Variants in CFAP300 observed in about 807,000 individuals in gnomAD.
The protein encoded by CFAP300 is cilia- and flagella-associated protein 300.
Under a neutral mutation model 33.0 loss-of-function variants are expected in CFAP300, and 32 were observed. The observed-to-expected ratio is 0.97, with a 90% CI of 0.73 to 1.30. CFAP300 has a LOEUF of 1.30. Ranked by LOEUF, CFAP300 falls within the 50% of genes most tolerant of loss-of-function variation. CFAP300 has a pLI of 0.00. For missense variants in CFAP300, 356 were observed against 318.1 expected (o/e 1.12, Z -0.90); for synonymous variants, 102 against 106.8 (o/e 0.95, Z 0.28).
intron 6 of CFAP300, 33 bp downstream of exon 6, chr11:102,081,314 T>C: frequency 2.6e-6 from 4 of 1,546,236 alleles, no homozygotes; most frequent in Non-Finnish European, 3.6e-6. Context: ...AACCAAAGAA[T>C]TTAATTACTT....
At position 102,079,159 on chromosome 11, in the gene CFAP300, G is replaced by A. The variant is rs371886920; in HGVS notation, c.609-2056G>A. On this transcript the variant is annotated intron_variant, in intron 5 of 6. Coordinates refer to ENST00000434758, the MANE Select transcript of CFAP300 (RefSeq NM_032930.3). ...GGAAATAATTTATGTATAGTAAAAT[G>A]AATAAATCATAAATATACATACAAT... Among the ~76,000 whole-genome samples the A allele has an allele frequency of 7.9e-5, 12 of 152,076 alleles. 1 individual carries two copies. Among genetic ancestry groups the A allele is most frequent in the African/African-American group, 2.7e-4 (11 of 41,398 alleles).
intron 4 of CFAP300, 140 bp from the exon 5 acceptor site, chr11:102,075,733 C>A: frequency 1.8e-6 from 1 of 561,092 alleles, no homozygotes; most frequent in Non-Finnish European, 3.1e-6. Flanking sequence ...ATGCAGATTA[C>A]AGGTTACTCT....
At chr11:102,051,106 G>A (rs1565387086) in intron 2 of CFAP300, among the ~76,000 whole-genome samples, 1 of 152,272 alleles carries the variant, frequency 6.6e-6, no homozygotes, top group Non-Finnish European at 1.5e-5. Context: ...CAAGTTTCTG[G>A]CTTGGTTGAC....
intron 4 of CFAP300, among the ~76,000 whole-genome samples, chr11:102,073,147 G>T (rs1052907258): frequency 2.0e-5 from 3 of 152,184 alleles, no homozygotes; most frequent in African/African-American, 7.2e-5. Flanking sequence ...TTAGTGGTGG[G>T]CTGGGTGTGT....
chr11:102,067,052 TC>T (rs1445354908), intron 4 of CFAP300, among the ~76,000 whole-genome samples: 2 of 152,180 alleles, frequency 1.3e-5, no homozygotes, highest in African/African-American at 4.8e-5. Flanking sequence ...ATTAAAAACA[TC>T]CCGGAGCTGG....
chr11:102,076,002 C>A lies in CFAP300; in HGVS notation c.565C>A (p.Pro189Thr). 6.2e-7 allele frequency: 1 copy of A among 1,613,198 alleles called. No individual in the cohort carries two copies. Among genetic ancestry groups the A allele is most frequent in the Admixed American group, 1.7e-5 (1 of 59,880 alleles). The change falls in exon 5 of 7, where the codon CCA becomes ACA. Residue 189 changes from proline (P) to threonine (T), a missense_variant. Pro to Thr is a conservative substitution (Grantham distance 38, BLOSUM62 -1). Coordinates refer to ENST00000434758, the MANE Select transcript of CFAP300 (RefSeq NM_032930.3). ...TTGTCAATATGAGGATGTGATTAGC[C>A]CATATCTGGAAACAACAAAGCTTAT... ...ALCQYEDVISPYLETTKLIYK... is the reference protein window; with the variant it reads ...ALCQYEDVISTYLETTKLIYK...
At chr11:102,080,404 T>C (rs926660839) in intron 5 of CFAP300, among the ~76,000 whole-genome samples, 1 of 152,088 alleles carries the variant, frequency 6.6e-6, no homozygotes, top group African/African-American at 2.4e-5. Flanking sequence ...TTGGGGTTTT[T>C]TGGGATTTGT....
chr11:102,059,842 ACT>A (rs1399712924), intron 3 of CFAP300, among the ~76,000 whole-genome samples: 4 of 145,578 alleles, frequency 2.7e-5, no homozygotes, highest in Non-Finnish European at 6.0e-5. Flanking sequence ...ACAGTGTCTC[ACT>A]CTGTCACCCA....
chr11:102,048,168 C>G (rs763916311), intron 2 of CFAP300, among the ~76,000 whole-genome samples: 1 of 152,158 alleles, frequency 6.6e-6, no homozygotes, highest in Non-Finnish European at 1.5e-5. Flanking sequence ...AGATCGCGCG[C>G]TCTCTAGAAG....
chr11:102,047,593 G>C lies in CFAP300; in HGVS notation c.110+13G>C. 5 of 1,534,644 alleles carry C rather than the reference G, an allele frequency of 3.3e-6. No individual in the cohort carries two copies. Among genetic ancestry groups the C allele is most frequent in the Non-Finnish European group, 4.4e-6 (5 of 1,145,516 alleles). On this transcript the variant is annotated intron_variant, in intron 1 of 6. Coordinates refer to ENST00000434758, the MANE Select transcript of CFAP300 (RefSeq NM_032930.3). Reference sequence around the variant, plus strand: ...GGCTCCGCCAGTGGTGAGGAACCGAGGCACAGGGAGAGAAGAGGCCCTTGG... The same window carrying C: ...GGCTCCGCCAGTGGTGAGGAACCGACGCACAGGGAGAGAAGAGGCCCTTGG...
At chr11:102,073,403 G>C (rs1942343480) in intron 4 of CFAP300, among the ~76,000 whole-genome samples, 1 of 152,168 alleles carries the variant, frequency 6.6e-6, no homozygotes, top group Non-Finnish European at 1.5e-5. Flanking sequence ...AGCAGTGGTG[G>C]AGGGGACGGG....
Position 102,083,393 on chromosome 11 carries a change from A to T in CFAP300, c.*194A>T. The stretch of plus-strand genomic sequence containing the variant: ...GAATACTAACCGGGGATCAAATTTC[A>T]TCCATAATAAAATCTATACCAAAAA... On this transcript the variant is annotated 3_prime_UTR_variant, in exon 7 of 7. Transcript: ENST00000434758. 1 of 318,932 alleles carries T rather than the reference A, an allele frequency of 3.1e-6. No homozygotes were observed. Among genetic ancestry groups the T allele is most frequent in the Non-Finnish European group, 5.5e-6 (1 of 181,452 alleles). 19.8% of individuals were successfully genotyped at this position (318,932 alleles called of 1,614,324 possible). A position where few individuals can be genotyped will look rare whatever the true frequency, so the allele number is the denominator to read the frequency against.
chr11:102,070,589 T>C (rs1288736433), intron 4 of CFAP300, among the ~76,000 whole-genome samples: 4 of 152,206 alleles, frequency 2.6e-5, no homozygotes, highest in Admixed American at 6.5e-5. Context: ...TATTTCCTTA[T>C]ACTAACTTAG....
At chr11:102,068,678 T>C (rs780094895) in intron 4 of CFAP300, among the ~76,000 whole-genome samples, 2 of 152,078 alleles carry the variant, frequency 1.3e-5, no homozygotes, top group Non-Finnish European at 2.9e-5. Flanking sequence ...TCTCAGCTAC[T>C]TGGGAGGCTG....
intron 2 of CFAP300, among the ~76,000 whole-genome samples, chr11:102,051,361 T>C (rs1941967633): frequency 6.6e-6 from 1 of 152,160 alleles, no homozygotes; most frequent in South Asian, 2.1e-4. Context: ...AGGAAGCGCC[T>C]TAATTTACAG....
At chr11:102,076,399 C>G (rs1323785979) in intron 5 of CFAP300, among the ~76,000 whole-genome samples, 2 of 152,168 alleles carry the variant, frequency 1.3e-5, no homozygotes, top group African/African-American at 4.8e-5. Flanking sequence ...TTTGAGTTTG[C>G]TTAACTAATA....
At chr11:102,056,058 C>G (rs1942052341) in intron 2 of CFAP300, among the ~76,000 whole-genome samples, 1 of 152,098 alleles carries the variant, frequency 6.6e-6, no homozygotes, top group African/African-American at 2.4e-5. Context: ...TTAGTAAGTG[C>G]TATATGTTAG....
chr11:102,059,482 C>T (rs1464736168), intron 3 of CFAP300, among the ~76,000 whole-genome samples: 1 of 151,962 alleles, frequency 6.6e-6, no homozygotes, highest in Non-Finnish European at 1.5e-5. Context: ...AACCCCATCT[C>T]TACTAAAAAT....
At chr11:102,064,247 C>G in intron 3 of CFAP300, among the ~76,000 whole-genome samples, 1 of 152,332 alleles carries the variant, frequency 6.6e-6, no homozygotes. Flanking sequence ...CAAATCAGAC[C>G]TAGGGTAGGC....
Sources: gnomAD v4.1 joint callset for allele counts (sites outside exome capture counted in the v4.1 genomes callset) on GRCh38, gnomAD v4.1.1 for gene constraint, MANE v1.5 for transcripts, NCBI Gene and HGNC (gene_info 2026-07-23, HGNC 2026-07-21) for gene names.